The following NVL variants were observed in gnomAD, a reference collection of about 807,000 sequenced individuals.
The protein encoded by NVL is nuclear valosin-containing protein-like.
In NVL, 84 loss-of-function variants were observed where a neutral mutation model predicts 110.2. The observed-to-expected ratio is 0.76, with a 90% CI of 0.64 to 0.91. The LOEUF (loss-of-function observed/expected upper bound fraction) is 0.91. Among genes scored for constraint, NVL ranks in the 40% least tolerant of loss-of-function variants. The pLI is 0.00. For synonymous variants in NVL, 354 were observed against 361.1 expected, an observed-to-expected ratio of 0.98 and a Z score of 0.22; for missense variants, 882 against 1,035.9, an observed-to-expected ratio of 0.85 and a Z score of 2.04.
rs537462535 is a variant in NVL, at chr1:224,240,989, C to T, written c.2290-4407G>A. ...GTATGTTTAGTAGAGATGGGTTTCA[C>T]CATGTTGGCCAGGCTGGTCTCAAAC... On this transcript the variant is annotated intron_variant, in intron 19 of 22. Coordinates refer to ENST00000281701, the MANE Select transcript of NVL (RefSeq NM_002533.4). Among the ~76,000 whole-genome samples the T allele has an allele frequency of 1.5e-3, 222 of 151,982 alleles. 3 individuals carry two copies. The highest frequency in any genetic ancestry group is 3.2e-4 in the Non-Finnish European group (22 of 67,978).
At chr1:224,325,476 G>A (rs1572082651) in intron 2 of NVL, among the ~76,000 whole-genome samples, 1 of 150,442 alleles carries the variant, frequency 6.6e-6, no homozygotes, top group African/African-American at 2.4e-5. Context: ...GCTCACGTCT[G>A]TAATCCCAGC....
At chr1:224,325,176 C>G (rs1452156122) in intron 2 of NVL, among the ~76,000 whole-genome samples, 1 of 151,280 alleles carries the variant, frequency 6.6e-6, no homozygotes, top group Admixed American at 6.6e-5. Context: ...GCAGGAGAAT[C>G]GCTTAAACCC....
intron 19 of NVL, among the ~76,000 whole-genome samples, chr1:224,248,845 A>G (rs1164597447): frequency 2.0e-5 from 3 of 152,238 alleles, no homozygotes; most frequent in Non-Finnish European, 4.4e-5. Flanking sequence ...AAGGGATTTC[A>G]GCAGATTCAG....
chr1:224,329,939 C>T, intron 1 of NVL, 132 bp downstream of exon 1: 2 of 869,914 alleles, frequency 2.3e-6, no homozygotes, highest in East Asian at 2.6e-5. Flanking sequence ...GAGAAACAGA[C>T]GCACGCCCAG....
intron 12 of NVL, among the ~76,000 whole-genome samples, chr1:224,292,909 C>A (rs1264877444): frequency 6.6e-6 from 1 of 152,000 alleles, no homozygotes; most frequent in East Asian, 1.9e-4. Flanking sequence ...CACCATCACG[C>A]CCGGCTAATT....
In NVL at chr1:224,303,812, G is replaced by T; in HGVS notation, c.871C>A (p.His291Asn). The T allele has an allele frequency of 6.2e-7, 1 of 1,613,750 alleles. No individual in the cohort carries two copies. ...LIHMRHPEVYHHLGVVPPRGV... is the reference protein window; with the variant it reads ...LIHMRHPEVYNHLGVVPPRGV... ...CGAGGGGGCACGACGCCCAGGTGGT[G>T]GTACACCTCCGGGTGACGCATGTGT... Residue 291 changes from histidine to asparagine, a missense_variant, in exon 9 of 23, where the codon CAC (histidine) becomes AAC (asparagine). Around this residue, in one of 4 missense-constraint regions of NVL, gnomAD observed 416 missense variants for 499.3 expected, o/e 0.83. Transcript: ENST00000281701.
intron 18 of NVL, among the ~76,000 whole-genome samples, chr1:224,258,845 T>C (rs933409451): frequency 6.6e-6 from 1 of 151,982 alleles, no homozygotes; most frequent in African/African-American, 2.4e-5. Context: ...CAAATTTATA[T>C]AGACAGAAAG....
chr1:224,308,348 C>T, intron 5 of NVL, 85 bp from the exon 6 acceptor site: 1 of 1,268,750 alleles, frequency 7.9e-7, no homozygotes, highest in Middle Eastern at 2.0e-4. Flanking sequence ...AATAAGTTTT[C>T]TATATTTTGT....
At chr1:224,287,108 G>T (rs555123553) in intron 14 of NVL, among the ~76,000 whole-genome samples, 5 of 152,162 alleles carry the variant, frequency 3.3e-5, no homozygotes, top group African/African-American at 1.2e-4. Flanking sequence ...ATGAAATCCT[G>T]TCATTTGCAG....
intron 19 of NVL, among the ~76,000 whole-genome samples, chr1:224,238,027 CT>C (rs1660711984): frequency 6.7e-6 from 1 of 150,196 alleles, no homozygotes; most frequent in Non-Finnish European, 1.5e-5. Flanking sequence ...AGCCATTAAG[CT>C]TTTCTCTTTT....
intron 16 of NVL, among the ~76,000 whole-genome samples, chr1:224,277,804 T>G (rs1372878745): frequency 2.0e-5 from 3 of 152,174 alleles, no homozygotes; most frequent in African/African-American, 7.2e-5. Context: ...AAATCCCAAG[T>G]CCCACTCTCA....
chr1:224,287,168 C>T (rs181131610), intron 14 of NVL, among the ~76,000 whole-genome samples: 109 of 152,204 alleles, frequency 7.2e-4, no homozygotes, highest in Non-Finnish European at 1.2e-3. Context: ...AAACTAGGCA[C>T]AGAAAGGCAA....
At chr1:224,321,038 G>A (rs977056028) in intron 2 of NVL, among the ~76,000 whole-genome samples, 11 of 152,118 alleles carry the variant, frequency 7.2e-5, no homozygotes, top group African/African-American at 2.7e-4. Flanking sequence ...GATCACTTGA[G>A]CTCAGGAGTT....
chr1:224,232,383 A>G (rs1017253697), intron 21 of NVL, among the ~76,000 whole-genome samples: 6 of 151,938 alleles, frequency 3.9e-5, no homozygotes, highest in Non-Finnish European at 8.8e-5. Context: ...TAAAAATAAC[A>G]AAATAAAAAT....
chr1:224,316,996 G>A (rs553954396), intron 4 of NVL, among the ~76,000 whole-genome samples: 67 of 151,940 alleles, frequency 4.4e-4, no homozygotes, highest in African/African-American at 1.4e-3. Flanking sequence ...AAAATTAGCC[G>A]GGTGTGGTGG....
intron 18 of NVL, among the ~76,000 whole-genome samples, chr1:224,261,629 A>C (rs945313570): frequency 6.6e-6 from 1 of 152,076 alleles, no homozygotes; most frequent in Non-Finnish European, 1.5e-5. Flanking sequence ...TTCCAGAAGA[A>C]GATGTGGACT....
rs138268824 is a variant in NVL, at chr1:224,330,120, G to C, written c.8C>G (p.Pro3Arg). The C allele has an allele frequency of 5.6e-6, 9 of 1,613,904 alleles. No homozygotes were observed. In the African/African-American group the frequency reaches 6.7e-5, roughly 12 times the overall value. Residue 3 changes from proline to arginine, a missense_variant, in exon 1 of 23, where the codon CCC (proline) becomes CGC (arginine). Physicochemically the swap from Pro to Arg is moderately radical, Grantham distance 103 (BLOSUM62 -2). Transcript: ENST00000281701. Reference protein sequence around the residue: MKPRPAGFVDNKL... With the variant: MKRRPAGFVDNKL... ...ATTATCCACGAACCCTGCAGGTCTG[G>C]GCTTCATCGCGTCGGTCTTCCAAGC...
intron 2 of NVL, among the ~76,000 whole-genome samples, 188 bp from the exon 3 acceptor site, chr1:224,318,118 C>CTT (rs34742466): frequency 6.6e-6 from 1 of 152,116 alleles, no homozygotes; most frequent in Non-Finnish European, 1.5e-5. Flanking sequence ...CATTTTCCCC[C>CTT]TTTTTTAAAC....
chr1:224,327,080 G>A (rs1671217142), intron 1 of NVL, among the ~76,000 whole-genome samples: 1 of 152,100 alleles, frequency 6.6e-6, no homozygotes, highest in Admixed American at 6.6e-5. Context: ...CTTAGAGGTT[G>A]CAGTGAGCTA....
Sources: allele counts gnomAD v4.1 joint callset (sites outside exome capture counted in the v4.1 genomes callset), GRCh38; gene constraint gnomAD v4.1.1; regional missense constraint gnomAD v4.1.1; transcripts MANE v1.5; gene names NCBI Gene and HGNC (gene_info 2026-07-23, HGNC 2026-07-21).